Variants in PDE6H observed in about 807,000 individuals in gnomAD.
PDE6H encodes phosphodiesterase 6H.
A neutral mutation model predicts 9.2 loss-of-function variants in PDE6H; 11 were observed. The observed-to-expected ratio is 1.19, with a 90% CI of 0.75 to 1.97. The LOEUF (loss-of-function observed/expected upper bound fraction) is 1.97. PDE6H is among the 30% of genes most tolerant of loss of function. PDE6H has a pLI of 0.00. For missense variants in PDE6H, 98 were observed against 101.5 expected, an observed-to-expected ratio of 0.97 and a Z score of 0.15; for synonymous variants, 36 against 33.6, an observed-to-expected ratio of 1.07 and a Z score of -0.25.
intron 3 of PDE6H, among the ~76,000 whole-genome samples, chr12:14,980,915 C>T (rs982059444): frequency 2.6e-5 from 4 of 152,164 alleles, no homozygotes; most frequent in African/African-American, 9.7e-5. Context: ...GATCGTTTCT[C>T]AATATGTGAT....
intron 1 of PDE6H, among the ~76,000 whole-genome samples, 160 bp downstream of exon 1, chr12:14,973,246 C>T (rs1864545952): frequency 6.6e-6 from 1 of 152,146 alleles, no homozygotes; most frequent in South Asian, 2.1e-4. Flanking sequence ...GAAGGAGATA[C>T]ATGCAGACCT....
In PDE6H at chr12:14,979,169, T is replaced by C. The variant is rs763579604; in HGVS notation, c.135-10T>C. The C allele has an allele frequency of 6.3e-7, 1 of 1,598,256 alleles. No homozygotes were observed. The highest frequency in any genetic ancestry group is 1.1e-5 in the South Asian group (1 of 90,602). On this transcript the variant is annotated splice_polypyrimidine_tract_variant and intron_variant, in intron 2 of 3. Coordinates refer to ENST00000266395, the MANE Select transcript of PDE6H (RefSeq NM_006205.3). ...ATCTCAGCTAATTTCTCCTTTATTC[T>C]TTTCCATAGATTTGGAGATGACATT...
chr12:14,974,903 G>T (rs1375159556), intron 1 of PDE6H, among the ~76,000 whole-genome samples: 1 of 152,186 alleles, frequency 6.6e-6, no homozygotes, highest in African/African-American at 2.4e-5. Context: ...AGAAGGTCTA[G>T]CATATATTTG....
intron 1 of PDE6H, among the ~76,000 whole-genome samples, chr12:14,975,825 GTTT>G (rs71038649): frequency 9.0e-6 from 1 of 110,842 alleles, no homozygotes. Flanking sequence ...TTTTTTTTTT[GTTT>G]TTTTTTTTTG....
chr12:14,978,177 AT>A, intron 2 of PDE6H, 31 bp downstream of exon 2: 1 of 1,602,184 alleles, frequency 6.2e-7, no homozygotes, highest in African/African-American at 1.3e-5. Context: ...AAAACTTTCT[AT>A]TACTTTCTTT....
intron 1 of PDE6H, among the ~76,000 whole-genome samples, chr12:14,974,390 T>C (rs1272340223): frequency 6.6e-6 from 1 of 152,186 alleles, no homozygotes; most frequent in East Asian, 1.9e-4. Flanking sequence ...AGAAACTGCA[T>C]AGGGATTAGT....
chr12:14,980,112 T>A (rs897736288), intron 3 of PDE6H, among the ~76,000 whole-genome samples: 1 of 152,246 alleles, frequency 6.6e-6, no homozygotes, highest in Non-Finnish European at 1.5e-5. Flanking sequence ...ATAGTTTCGC[T>A]GCCCTATGCT....
At chr12:14,976,910 A>T (rs963840297) in intron 1 of PDE6H, among the ~76,000 whole-genome samples, 9 of 152,214 alleles carry the variant, frequency 5.9e-5, no homozygotes, top group African/African-American at 1.9e-4. Context: ...AAAGAAAATA[A>T]CGTCATCCAA....
chr12:14,977,988 C>T lies in PDE6H; in HGVS notation c.-25C>T. On this transcript the variant is annotated 5_prime_UTR_variant, in exon 2 of 4. Transcript: ENST00000266395. ...CTGTCTAAGGAGGCTGAAAGGGAAA[C>T]ATCAGCCGCCCGGGGGGAGTTAAAA... 1 of 1,611,446 alleles carries T rather than the reference C, an allele frequency of 6.2e-7. No individual in the cohort carries two copies. Among genetic ancestry groups the T allele is most frequent in the Non-Finnish European group, 8.5e-7 (1 of 1,178,524 alleles).
Position 14,981,829 on chromosome 12 carries a change from C to A in PDE6H, c.*353C>A, listed in dbSNP as rs568270813. On this transcript the variant is annotated 3_prime_UTR_variant, in exon 4 of 4. Transcript: ENST00000266395. ...AAGACAACATTTATGTCACTCCCCA[C>A]CTCCTCATATTTAATAAAGGAGATA... 2.8e-6 allele frequency: 1 copy of A among 356,146 alleles called. No individual in the cohort carries two copies. The highest frequency in any genetic ancestry group is 6.7e-5 in the East Asian group (1 of 14,902). The allele number at this position is 356,146 out of a possible 1,614,324, so 22.1% of individuals were successfully genotyped here.
At chr12:14,974,304 C>T (rs1243698694) in intron 1 of PDE6H, among the ~76,000 whole-genome samples, 1 of 152,166 alleles carries the variant, frequency 6.6e-6, no homozygotes, top group Non-Finnish European at 1.5e-5. Flanking sequence ...GACTGGCTTC[C>T]AATGCAGGAA....
intron 1 of PDE6H, among the ~76,000 whole-genome samples, chr12:14,974,754 C>T (rs1158267880): frequency 2.0e-5 from 3 of 152,186 alleles, no homozygotes; most frequent in Admixed American, 6.5e-5. Context: ...CAGAGAATTA[C>T]CCAGCGAGGG....
At chr12:14,977,294 A>G (rs1331790243) in intron 1 of PDE6H, among the ~76,000 whole-genome samples, 1 of 152,224 alleles carries the variant, frequency 6.6e-6, no homozygotes, top group Non-Finnish European at 1.5e-5. Context: ...TCATGTGAGG[A>G]TTAAACAAAA....
chr12:14,981,258 A>C, intron 3 of PDE6H, 142 bp from the exon 4 acceptor site: 1 of 755,048 alleles, frequency 1.3e-6, no homozygotes, highest in Non-Finnish European at 2.4e-6. Flanking sequence ...CCTGGGCCAC[A>C]GGGCCACGCT....
At chr12:14,977,680 A>G (rs918095058) in intron 1 of PDE6H, among the ~76,000 whole-genome samples, 1 of 152,186 alleles carries the variant, frequency 6.6e-6, no homozygotes, top group African/African-American at 2.4e-5. Flanking sequence ...AGCTACCTAG[A>G]TTTCTGAGTT....
In PDE6H at chr12:14,977,639, G is replaced by T. The variant is rs1309091734; in HGVS notation, c.-41-333G>T. Among the ~76,000 whole-genome samples the T allele has an allele frequency of 1.3e-5, 2 of 152,144 alleles. 1 individual carries two copies. Reference sequence around the variant, plus strand: ...AATTTAATTTATTTATTTAAAAATTGTTTTCAGTGGCAGATCCATGGGAAC... The same window carrying T: ...AATTTAATTTATTTATTTAAAAATTTTTTTCAGTGGCAGATCCATGGGAAC... On this transcript the variant is annotated intron_variant, in intron 1 of 3. Transcript: ENST00000266395.
chr12:14,976,958 A>G (rs1275674723), intron 1 of PDE6H, among the ~76,000 whole-genome samples: 2 of 152,192 alleles, frequency 1.3e-5, no homozygotes, highest in South Asian at 2.1e-4. Context: ...CTTTTTCAAT[A>G]ATTTTCTTTG....
chr12:14,976,303 C>T (rs1486524040), intron 1 of PDE6H, among the ~76,000 whole-genome samples: 2 of 152,152 alleles, frequency 1.3e-5, no homozygotes, highest in Non-Finnish European at 2.9e-5. Flanking sequence ...TGGCCAATCT[C>T]ACCATCCCTG....
chr12:14,974,562 G>C (rs1864564701), intron 1 of PDE6H, among the ~76,000 whole-genome samples: 2 of 152,170 alleles, frequency 1.3e-5, no homozygotes, highest in Non-Finnish European at 2.9e-5. Context: ...TCAAAATTAT[G>C]TAAAAATGCA....
Sources: allele counts gnomAD v4.1 joint callset (sites outside exome capture counted in the v4.1 genomes callset), GRCh38; gene constraint gnomAD v4.1.1; transcripts MANE v1.5; gene names NCBI Gene and HGNC (gene_info 2026-07-23, HGNC 2026-07-21).